The following TCP11L2 variants were observed in gnomAD, a reference collection of about 807,000 sequenced individuals.
TCP11L2 encodes the protein t-complex 11 like 2.
TCP11L2 carries 39 observed loss-of-function variants against 50.7 expected under a neutral mutation model. The ratio of observed to expected loss-of-function variants is 0.77; its 90% CI spans 0.60 to 1.01. The LOEUF is 1.01. TCP11L2 is among the 50% of genes least tolerant of loss of function. The pLI, the probability that TCP11L2 is intolerant of heterozygous loss-of-function variation, is 0.00. For synonymous variants in TCP11L2, 192 were observed against 219.3 expected, an observed-to-expected ratio of 0.88 and a Z score of 1.10; for missense variants, 612 against 614.7, an observed-to-expected ratio of 1.00 and a Z score of 0.05.
chr12:106,320,312 C>A (rs527399046), intron 4 of TCP11L2, among the ~76,000 whole-genome samples: 4 of 152,088 alleles, frequency 2.6e-5, no homozygotes, highest in African/African-American at 9.6e-5. Context: ...GCAGGAGAAT[C>A]TCTTGAACCT....
Position 106,311,087 on chromosome 12 carries a change from T to C in TCP11L2, c.12T>C (p.Asn4=), listed in dbSNP as rs753273933. 1 of 1,614,170 alleles carries C rather than the reference T, an allele frequency of 6.2e-7. No homozygotes were observed. Among genetic ancestry groups the C allele is most frequent in the South Asian group, 1.1e-5 (1 of 91,076 alleles). Residue 4 remains asparagine, a synonymous_variant, in exon 2 of 10, where the codon AAT becomes AAC. Transcript: ENST00000299045. The stretch of plus-strand genomic sequence containing the variant: ...TTAAGTGACGCAAAATGCCCTTCAA[T>C]GGCGAGAAGCAGTGTGTGGGAGAGG... MPF[N]GEKQCVGEDQ...
intron 6 of TCP11L2, chr12:106,329,760 T>C (rs980697370): frequency 6.0e-6 from 6 of 1,006,724 alleles, no homozygotes; most frequent in African/African-American, 1.7e-5. Context: ...TACTGCCACA[T>C]TGTAATTATA....
At chr12:106,298,680 C>G (rs2034377550), upstream of TCP11L2, among the ~76,000 whole-genome samples, 3 of 151,870 alleles carry the variant, frequency 2.0e-5, no homozygotes, top group Non-Finnish European at 4.4e-5. Flanking sequence ...TGCCACCACG[C>G]CCAACTAATT....
chr12:106,334,345 C>T (rs2035839701), intron 6 of TCP11L2, among the ~76,000 whole-genome samples: 1 of 152,158 alleles, frequency 6.6e-6, no homozygotes, highest in Non-Finnish European at 1.5e-5. Flanking sequence ...ACCTCTCTAG[C>T]CTATATTCTG....
At position 106,331,980 on chromosome 12, in the gene TCP11L2, T is replaced by C. The variant is rs75315895; in HGVS notation, c.773-3659T>C. 5.3e-3 allele frequency among the ~76,000 whole-genome samples: 809 copies of C among 152,364 alleles called. 21 individuals carry two copies. The East Asian group carries it at 0.08, about 15-fold the overall frequency. ...ATCAGTCTCTTTGCACTGCAACTTA[T>C]GTTTATGTTCTTGTCAAATCTGTTT... On this transcript the variant is annotated intron_variant, in intron 6 of 9. Transcript: ENST00000299045.
chr12:106,309,674 T>G (rs1458530532), intron 1 of TCP11L2, among the ~76,000 whole-genome samples: 1 of 151,490 alleles, frequency 6.6e-6, no homozygotes, highest in African/African-American at 2.4e-5. Flanking sequence ...TTGTGTTTTC[T>G]CAACAATGCC....
upstream of TCP11L2, among the ~76,000 whole-genome samples, chr12:106,300,369 G>A (rs890563768): frequency 8.5e-5 from 13 of 152,082 alleles, no homozygotes; most frequent in South Asian, 2.1e-4. Flanking sequence ...TCGCTCTGTC[G>A]CCCAGGCCGG....
chr12:106,311,905 A>G (rs2034866623), intron 2 of TCP11L2, among the ~76,000 whole-genome samples: 1 of 152,220 alleles, frequency 6.6e-6, no homozygotes, highest in African/African-American at 2.4e-5. Flanking sequence ...GGAAAAAGCA[A>G]CTAATGTTTA....
chr12:106,318,766 G>A (rs58956914), intron 4 of TCP11L2, among the ~76,000 whole-genome samples: 47,590 of 151,994 alleles, frequency 0.31, 7,655 homozygotes, highest in South Asian at 0.37. Context: ...GCTGGAGTGC[G>A]GTGGCACAAT....
At chr12:106,343,072 G>T (rs2136837413) in intron 9 of TCP11L2, among the ~76,000 whole-genome samples, 1 of 152,290 alleles carries the variant, frequency 6.6e-6, no homozygotes, top group Non-Finnish European at 1.5e-5. Context: ...TGACTCACTT[G>T]AACGTCTCTT....
chr12:106,327,177 TTTCC>T (rs2035577466), intron 6 of TCP11L2, among the ~76,000 whole-genome samples: 1 of 152,176 alleles, frequency 6.6e-6, no homozygotes, highest in Non-Finnish European at 1.5e-5. Flanking sequence ...GTTTTTTTTC[TTTCC>T]TTCTTTTTTT....
intron 3 of TCP11L2, 109 bp from the exon 4 acceptor site, chr12:106,318,235 A>G (rs774353814): frequency 1.4e-5 from 18 of 1,297,206 alleles, no homozygotes; most frequent in Non-Finnish European, 1.9e-5. Context: ...AAGGACAATT[A>G]TTCTGTGTTT....
chr12:106,306,600 T>TC (rs1200479517), intron 1 of TCP11L2, among the ~76,000 whole-genome samples: 1 of 152,234 alleles, frequency 6.6e-6, no homozygotes, highest in Non-Finnish European at 1.5e-5. Context: ...TGTTTTTTTT[T>TC]CATTTGGAAC....
At chr12:106,314,110 A>G (rs2034972112) in intron 2 of TCP11L2, among the ~76,000 whole-genome samples, 1 of 152,170 alleles carries the variant, frequency 6.6e-6, no homozygotes, top group Admixed American at 6.5e-5. Context: ...GCCTATATTA[A>G]TAAGTTGGTC....
chr12:106,319,729 T>G (rs2035267457), intron 4 of TCP11L2, among the ~76,000 whole-genome samples: 1 of 152,230 alleles, frequency 6.6e-6, no homozygotes. Context: ...GTTATTCTTA[T>G]TTATTAAAAA....
chr12:106,329,846 A>G (rs1829557910), intron 6 of TCP11L2: 3 of 986,082 alleles, frequency 3.0e-6, no homozygotes, highest in Admixed American at 6.1e-5. Context: ...TTACATCTTT[A>G]TAAAACAGAA....
chr12:106,345,662 A>G (rs1382270999), intron 9 of TCP11L2, among the ~76,000 whole-genome samples: 1 of 83,900 alleles, frequency 1.2e-5, no homozygotes, highest in Non-Finnish European at 2.4e-5. Context: ...TTTTTTTTTT[A>G]TCAGTCAGCT....
chr12:106,313,198 G>A (rs1370138536), intron 2 of TCP11L2, among the ~76,000 whole-genome samples: 1 of 152,170 alleles, frequency 6.6e-6, no homozygotes, highest in African/African-American at 2.4e-5. Context: ...TGAGGAGGAA[G>A]GCTATGCCTC....
intron 6 of TCP11L2, chr12:106,324,745 T>G (rs934283968): frequency 6.6e-6 from 1 of 152,156 alleles, no homozygotes; most frequent in African/African-American, 2.4e-5. Context: ...TGCTGAAGAT[T>G]GGATAAGGGA....
Sources: gnomAD v4.1 joint callset for allele counts (sites outside exome capture counted in the v4.1 genomes callset) on GRCh38, gnomAD v4.1.1 for gene constraint, MANE v1.5 for transcripts, NCBI Gene and HGNC (gene_info 2026-07-23, HGNC 2026-07-21) for gene names.